Variants in C13orf42 observed in about 807,000 individuals in gnomAD.
C13orf42 encodes the protein chromosome 13 open reading frame 42.
intron 1 of C13orf42, among the ~76,000 whole-genome samples, chr13:51,103,804 T>C (rs1953319087): frequency 6.6e-6 from 1 of 152,132 alleles, no homozygotes; most frequent in South Asian, 2.1e-4. Flanking sequence ...ATGAATATGA[T>C]TCCACTTATG....
intron 1 of C13orf42, among the ~76,000 whole-genome samples, chr13:51,109,659 T>C (rs1593537212): frequency 6.6e-6 from 1 of 151,754 alleles, no homozygotes; most frequent in Non-Finnish European, 1.5e-5. Context: ...GAAGCTGAGG[T>C]GGCAGGATCA....
chr13:51,153,634 T>TTC lies in C13orf42; in HGVS notation n.136+18618_136+18619insGA, dbSNP rs1953801791. ...TTCTTGCTTTCTGTTTTTTTTCTTT[T>TTC]TTTTTTTTTTTTTTTTTTTTTTGGA... On this transcript the variant is annotated intron_variant and non_coding_transcript_variant, in intron 1 of 4. Transcript: ENST00000433280. 2.3e-5 allele frequency among the ~76,000 whole-genome samples: 3 copies of TTC among 127,832 alleles called. No homozygotes were observed. The South Asian group carries it at 8.9e-4, about 38-fold the overall frequency. The allele number at this position is 127,832 out of a possible 152,430, so 83.9% of individuals were successfully genotyped here.
chr13:51,110,678 G>A (rs753317344), intron 1 of C13orf42, 118 bp downstream of exon 1: 2 of 397,122 alleles, frequency 5.0e-6, no homozygotes, highest in South Asian at 2.9e-4. Context: ...CTATTGCGCC[G>A]CGGCTCAGAA....
chr13:51,113,465 CA>C (rs1953454576), upstream of C13orf42, among the ~76,000 whole-genome samples: 1 of 152,312 alleles, frequency 6.6e-6, no homozygotes, highest in African/African-American at 2.4e-5. Context: ...GAAATTCATC[CA>C]GAATAGTGAC....
intron 1 of C13orf42, among the ~76,000 whole-genome samples, chr13:51,133,806 G>A (rs1429503296): frequency 6.6e-6 from 1 of 152,210 alleles, no homozygotes; most frequent in Non-Finnish European, 1.5e-5. Flanking sequence ...AGAGAAAAAT[G>A]AGACAGAAGA....
At chr13:51,134,182 C>T (rs1221640027) in intron 1 of C13orf42, among the ~76,000 whole-genome samples, 2 of 152,162 alleles carry the variant, frequency 1.3e-5, no homozygotes, top group Non-Finnish European at 2.9e-5. Context: ...ATCCTCACCT[C>T]CCTGTGTCCC....
intron 1 of C13orf42, among the ~76,000 whole-genome samples, chr13:51,149,385 A>G (rs1175681752): frequency 6.6e-6 from 1 of 152,160 alleles, no homozygotes; most frequent in Non-Finnish European, 1.5e-5. Context: ...ATAAAGGGTA[A>G]TAAGTGAAAA....
chr13:51,130,641 C>T (rs1413960640), intron 1 of C13orf42, among the ~76,000 whole-genome samples: 1 of 152,002 alleles, frequency 6.6e-6, no homozygotes, highest in Non-Finnish European at 1.5e-5. Context: ...GCCTGGGACA[C>T]ATGGAGTTAG....
chr13:51,152,607 A>G (rs1247809208), intron 1 of C13orf42, among the ~76,000 whole-genome samples: 1 of 152,166 alleles, frequency 6.6e-6, no homozygotes, highest in Non-Finnish European at 1.5e-5. Context: ...GCCTCAGCCT[A>G]ACCCATTTCT....
chr13:51,160,890 T>C (rs1173141307), intron 1 of C13orf42, among the ~76,000 whole-genome samples: 1 of 148,802 alleles, frequency 6.7e-6, no homozygotes, highest in East Asian at 2.0e-4. Context: ...CCAGCACCTC[T>C]AGCCAACATT....
Position 51,142,637 on chromosome 13 carries a change from T to C in C13orf42, n.137-29415A>G, listed in dbSNP as rs1953704386. 5.3e-5 allele frequency among the ~76,000 whole-genome samples: 6 copies of C among 113,254 alleles called. No homozygotes were observed. In the Admixed American group the frequency reaches 5.4e-4, roughly 10 times the overall value. The allele number at this position is 113,254 out of a possible 152,430, so 74.3% of individuals were successfully genotyped here. The stretch of plus-strand genomic sequence containing the variant: ...AGAAGAAAAAGAAGTGTGTCCTTTT[T>C]TATAAAAAAAAAGTGAACAAGTTTT... On this transcript the variant is annotated intron_variant and non_coding_transcript_variant, in intron 1 of 4. Coordinates refer to the C13orf42 transcript ENST00000433280.
chr13:51,140,542 T>G (rs1242941457), intron 1 of C13orf42, among the ~76,000 whole-genome samples: 3 of 152,136 alleles, frequency 2.0e-5, no homozygotes, highest in Non-Finnish European at 4.4e-5. Context: ...TGAGCTAACT[T>G]TATGGCTCAA....
chr13:51,149,917 T>G (rs1953766559), intron 1 of C13orf42, among the ~76,000 whole-genome samples: 1 of 152,174 alleles, frequency 6.6e-6, no homozygotes, highest in Non-Finnish European at 1.5e-5. Context: ...AGTCTATATC[T>G]TAGCCCAAGA....
intron 1 of C13orf42, among the ~76,000 whole-genome samples, chr13:51,107,195 G>A (rs1423911688): frequency 6.6e-6 from 1 of 152,144 alleles, no homozygotes; most frequent in African/African-American, 2.4e-5. Flanking sequence ...CCCTGGCCTT[G>A]GATGCCATTC....
intron 1 of C13orf42, among the ~76,000 whole-genome samples, chr13:51,142,236 G>A (rs914059380): frequency 6.6e-6 from 1 of 152,192 alleles, no homozygotes; most frequent in Non-Finnish European, 1.5e-5. Context: ...TATCACCTTT[G>A]TGTCAAAGCT....
chr13:51,085,807 T>C (rs776471023), intron 2 of C13orf42, among the ~76,000 whole-genome samples: 73 of 152,362 alleles, frequency 4.8e-4, no homozygotes, highest in Non-Finnish European at 8.7e-4. Context: ...CCCAGCACTT[T>C]GGGAGTTCGA....
chr13:51,121,559 A>G (rs1271689080), intron 1 of C13orf42, among the ~76,000 whole-genome samples: 1 of 146,204 alleles, frequency 6.8e-6, no homozygotes, highest in Non-Finnish European at 1.5e-5. Flanking sequence ...TTTTTGAGAC[A>G]GAGTCTCACT....
Position 51,116,975 on chromosome 13 carries a change from C to G in C13orf42, n.137-3753G>C, listed in dbSNP as rs1212121455. ...CAGGCTGAAACTAGGAACTAGCACC[C>G]TGGTTTTCCTGCCCAATTCTATTGA... On this transcript the variant is annotated intron_variant and non_coding_transcript_variant, in intron 1 of 4. Coordinates refer to the C13orf42 transcript ENST00000433280. 7.2e-5 allele frequency among the ~76,000 whole-genome samples: 11 copies of G among 152,350 alleles called. No individual in the cohort carries two copies. The East Asian group carries it at 1.4e-3, about 19-fold the overall frequency.
intron 1 of C13orf42, among the ~76,000 whole-genome samples, chr13:51,124,437 TGAG>T (rs1953560433): frequency 6.6e-6 from 1 of 152,216 alleles, no homozygotes; most frequent in South Asian, 2.1e-4. Flanking sequence ...GGTTACATAA[TGAG>T]GAGGTAAATG....
Sources: allele counts gnomAD v4.1 joint callset (sites outside exome capture counted in the v4.1 genomes callset), GRCh38; gene constraint gnomAD v4.1.1; transcripts MANE v1.5; gene names NCBI Gene and HGNC (gene_info 2026-07-23, HGNC 2026-07-21).